The following KCNJ4 variants were observed in gnomAD, a reference collection of about 807,000 sequenced individuals.
The protein encoded by KCNJ4 is inward rectifier potassium channel 4.
In KCNJ4, 3 loss-of-function variants were observed where a neutral mutation model predicts 25.6. That is an observed-to-expected ratio of 0.12 (90% CI 0.05 to 0.30). KCNJ4 has a LOEUF of 0.30. Ranked by LOEUF, KCNJ4 falls within the 10% of genes least tolerant of loss-of-function variation. The pLI, the probability that KCNJ4 is intolerant of heterozygous loss-of-function variation, is 1.00. For synonymous variants in KCNJ4, 257 were observed against 283.9 expected (o/e 0.91, Z 0.95); for missense variants, 286 against 666.8 (o/e 0.43, Z 6.29).
chr22:38,437,066 C>T (rs1467288407), intron 1 of KCNJ4, among the ~76,000 whole-genome samples: 2 of 152,220 alleles, frequency 1.3e-5, no homozygotes, highest in Non-Finnish European at 2.9e-5. Context: ...TCAGGTCCAG[C>T]CAAACGCTGG....
rs1217727005 is a variant in KCNJ4, at chr22:38,428,022, G to A, written c.111C>T (p.Asn37=). 3 of 1,614,206 alleles carry A rather than the reference G, an allele frequency of 1.9e-6. No homozygotes were observed. The Admixed American group carries it at 5.0e-5, about 27-fold the overall frequency. Residue 37 remains asparagine (N), a synonymous_variant, in exon 2 of 2, where the codon AAC becomes AAT. Transcript: ENST00000303592. ...TGTCCGCCATGTAGCGCTGCGACTTGTTGCTCAGGTTGGCGAAGTACACGT... is the reference window on the plus strand; with the variant it reads ...TGTCCGCCATGTAGCGCTGCGACTTATTGCTCAGGTTGGCGAAGTACACGT... ...QCNVYFANLS[N]KSQRYMADIF... is the part of the protein sequence containing the mutation.
At chr22:38,439,307 C>G (rs936804500) in intron 1 of KCNJ4, among the ~76,000 whole-genome samples, 19 of 152,158 alleles carry the variant, frequency 1.2e-4, no homozygotes, top group Non-Finnish European at 2.1e-4. Flanking sequence ...TGGTGGGCAT[C>G]TGTAATCTCA....
At position 38,441,057 on chromosome 22, in the gene KCNJ4, G is replaced by A. The variant is rs538875804; in HGVS notation, c.-39-12886C>T. The stretch of plus-strand genomic sequence containing the variant: ...GAAAAGGAGAGGGGGTCTTAGACCC[G>A]GCCCCAGCAGCCCCACAGATGGGAG... On this transcript the variant is annotated intron_variant, in intron 1 of 1. Coordinates refer to ENST00000303592, the MANE Select transcript of KCNJ4 (RefSeq NM_152868.3). Among the ~76,000 whole-genome samples the A allele has an allele frequency of 7.2e-5, 11 of 152,254 alleles. No homozygotes were observed. In the South Asian group the frequency reaches 1.0e-3, roughly 14 times the overall value.
intron 1 of KCNJ4, among the ~76,000 whole-genome samples, chr22:38,428,849 C>T (rs2093040731): frequency 6.6e-6 from 1 of 151,896 alleles, no homozygotes. Flanking sequence ...TTTTAGGAGG[C>T]CGAGATGCAA....
intron 1 of KCNJ4, among the ~76,000 whole-genome samples, chr22:38,454,571 C>A (rs2089428060): frequency 6.6e-6 from 1 of 152,128 alleles, no homozygotes; most frequent in African/African-American, 2.4e-5. Context: ...GATCACAGGG[C>A]CATTTGCAAC....
chr22:38,452,297 C>G (rs1207529510), intron 1 of KCNJ4, among the ~76,000 whole-genome samples: 1 of 152,222 alleles, frequency 6.6e-6, no homozygotes, highest in Non-Finnish European at 1.5e-5. Context: ...CACTGACAGA[C>G]CAGGGTCCTG....
rs1330907890 is a variant in KCNJ4, at chr22:38,443,722, C to G, written c.-40+11258G>C. Among the ~76,000 whole-genome samples, 1 of 152,174 alleles carries G rather than the reference C, an allele frequency of 6.6e-6. No individual in the cohort carries two copies. Among genetic ancestry groups the G allele is most frequent in the African/African-American group, 2.4e-5 (1 of 41,428 alleles). ...AACCTCGGGGCCCCGGACACGTCCC[C>G]TCACCTAGTCATCCACCCCAAAGAG... On this transcript the variant is annotated intron_variant, in intron 1 of 1. Coordinates refer to ENST00000303592, the MANE Select transcript of KCNJ4 (RefSeq NM_152868.3). This position sits in a 1 kb window ranked among gnomAD's most constrained non-coding sequence, Gnocchi z 4.1.
rs2089328605 is a variant in KCNJ4 at position 38,441,032 on chromosome 22, G to C, written c.-39-12861C>G. Reference sequence around the variant, plus strand: ...CGAGACTGGCTGGGCCAAGGGCATGGAAAAGGAGAGGGGGTCTTAGACCCG... The same window carrying C: ...CGAGACTGGCTGGGCCAAGGGCATGCAAAAGGAGAGGGGGTCTTAGACCCG... On this transcript the variant is annotated intron_variant, in intron 1 of 1. Transcript: ENST00000303592. 2.6e-5 allele frequency among the ~76,000 whole-genome samples: 4 copies of C among 152,318 alleles called. No homozygotes were observed. The South Asian group carries it at 8.3e-4, about 32-fold the overall frequency.
intron 1 of KCNJ4, 21 bp downstream of exon 1, chr22:38,454,959 G>A (rs1212469769): frequency 6.6e-6 from 1 of 151,806 alleles, no homozygotes; most frequent in Non-Finnish European, 1.5e-5. Context: ...ACAGCGCCCG[G>A]GGTGGGCGAG....
Position 38,428,076 on chromosome 22 carries a change from G to A in KCNJ4, c.57C>T (p.Asn19=). The change falls in exon 2 of 2, where the codon AAC becomes AAT. Residue 19 remains asparagine, a synonymous_variant. Coordinates refer to ENST00000303592, the MANE Select transcript of KCNJ4 (RefSeq NM_152868.3). The stretch of plus-strand genomic sequence containing the variant: ...ATTGGCCGTTCTTCTTGACGAAGCG[G>A]TTGCGGCGCTTCCGCCGGGGCACGT... The part of the protein sequence containing the change: ...QAHVPRRKRR[N]RFVKKNGQCN... The A allele has an allele frequency of 1.9e-6, 3 of 1,614,000 alleles. No homozygotes were observed. The highest frequency in any genetic ancestry group is 2.5e-6 in the Non-Finnish European group (3 of 1,179,918).
At chr22:38,450,831 G>A (rs1437370004) in intron 1 of KCNJ4, among the ~76,000 whole-genome samples, 1 of 152,186 alleles carries the variant, frequency 6.6e-6, no homozygotes, top group Non-Finnish European at 1.5e-5. Flanking sequence ...GGATCCCTGA[G>A]GGGGTGTCAC....
intron 1 of KCNJ4, among the ~76,000 whole-genome samples, chr22:38,433,134 A>G (rs1351834247): frequency 6.6e-6 from 1 of 151,890 alleles, no homozygotes; most frequent in Non-Finnish European, 1.5e-5. Context: ...CAGTTACCAG[A>G]CTTTTCTTTT....
intron 1 of KCNJ4, among the ~76,000 whole-genome samples, chr22:38,429,083 CAAAAA>C (rs10582408): frequency 3.7e-5 from 4 of 108,878 alleles, no homozygotes; most frequent in Admixed American, 9.9e-5. Flanking sequence ...GACCCCATGT[CAAAAA>C]AAAAAAAAAA....
In KCNJ4 at chr22:38,436,227, G is replaced by A. The variant is rs187342674; in HGVS notation, c.-39-8056C>T. On this transcript the variant is annotated intron_variant, in intron 1 of 1. Transcript: ENST00000303592. ...TCATGCACACCACGTGCCCAGCCCA[G>A]AGTAAGTGATCGATAAGGTGCATTT... Among the ~76,000 whole-genome samples, 173 of 152,342 alleles carry A rather than the reference G, an allele frequency of 1.1e-3. 2 individuals are homozygous for A. Among genetic ancestry groups the A allele is most frequent in the African/African-American group, 3.4e-3 (142 of 41,590 alleles).
chr22:38,454,260 C>T (rs2089425461), intron 1 of KCNJ4, among the ~76,000 whole-genome samples: 1 of 152,196 alleles, frequency 6.6e-6, no homozygotes, highest in Admixed American at 6.5e-5. Context: ...GCATCCTGTC[C>T]ATCCTGAAGC....
intron 1 of KCNJ4, among the ~76,000 whole-genome samples, chr22:38,433,151 T>A (rs1340421564): frequency 6.6e-6 from 1 of 152,072 alleles, no homozygotes; most frequent in Non-Finnish European, 1.5e-5. Context: ...TTTTAATTTT[T>A]AAAAATTTAT....
rs1266578015 is a variant in KCNJ4 at position 38,435,728 on chromosome 22, C to T, written c.-39-7557G>A. ...AAAAAAAAGAAATAGACAGAATTAA[C>T]ACCACTGTCCCATTTCCCAGCCCTT... On this transcript the variant is annotated intron_variant, in intron 1 of 1. Coordinates refer to ENST00000303592, the MANE Select transcript of KCNJ4 (RefSeq NM_152868.3). 5.3e-5 allele frequency among the ~76,000 whole-genome samples: 8 copies of T among 151,688 alleles called. No individual in the cohort carries two copies. In the East Asian group the frequency reaches 1.2e-3, roughly 22 times the overall value.
chr22:38,427,134 G>A lies in KCNJ4; in HGVS notation c.999C>T (p.Tyr333=). Residue 333 remains tyrosine, a synonymous_variant, in exon 2 of 2, where the codon TAC becomes TAT. Coordinates refer to ENST00000303592, the MANE Select transcript of KCNJ4 (RefSeq NM_152868.3). ...CCTCGTAGGTCTTGTGAAAACGTGA[G>A]TAGTCCACCTTGTAGTGGCTCTTCT... ...FEEKSHYKVD[Y]SRFHKTYEVA... 1 of 1,613,088 alleles carries A rather than the reference G, an allele frequency of 6.2e-7. No individual in the cohort carries two copies.
chr22:38,451,412 T>C (rs2089409680), intron 1 of KCNJ4, among the ~76,000 whole-genome samples: 1 of 152,184 alleles, frequency 6.6e-6, no homozygotes. Flanking sequence ...AAATCCAACC[T>C]GTCCTTGCCT....
Sources: allele counts gnomAD v4.1 joint callset (sites outside exome capture counted in the v4.1 genomes callset), GRCh38; gene constraint gnomAD v4.1.1; non-coding constraint Gnocchi (gnomAD v3.1); transcripts MANE v1.5; gene names NCBI Gene and HGNC (gene_info 2026-07-23, HGNC 2026-07-21).